Variants in SDK1 observed in about 807,000 individuals in gnomAD.
The protein encoded by SDK1 is protein sidekick-1.
A neutral mutation model predicts 245.5 loss-of-function variants in SDK1; 157 were observed. The observed-to-expected ratio is 0.64, with a 90% confidence interval of 0.56 to 0.73. SDK1 has a LOEUF of 0.73. Ranked by LOEUF, SDK1 falls within the 30% of genes least tolerant of loss-of-function variation. The pLI is 0.00. For synonymous variants in SDK1, 1,647 were observed against 1,278.5 expected, an observed-to-expected ratio of 1.29 and a Z score of -6.15; for missense variants, 3,583 against 3,002.3, an observed-to-expected ratio of 1.19 and a Z score of -4.52.
At chr7:3,348,500 A>G (rs1780567283) in intron 1 of SDK1, among the ~76,000 whole-genome samples, 1 of 151,894 alleles carries the variant, frequency 6.6e-6, no homozygotes, top group Non-Finnish European at 1.5e-5. Context: ...CTAAACATCG[A>G]GTGCATATGG....
chr7:3,362,798 CT>C (rs1331239690), intron 1 of SDK1, among the ~76,000 whole-genome samples: 1 of 152,036 alleles, frequency 6.6e-6, no homozygotes, highest in Non-Finnish European at 1.5e-5. Flanking sequence ...ATTATTTATA[CT>C]TTTATAGTTT....
chr7:4,262,473 A>C (rs1337164479), intron 44 of SDK1, among the ~76,000 whole-genome samples: 2 of 151,840 alleles, frequency 1.3e-5, no homozygotes, highest in African/African-American at 2.4e-5. Context: ...AGGAAAAAAA[A>C]AAGCCTCAAA....
At chr7:3,662,777 A>T (rs1440330193) in intron 4 of SDK1, among the ~76,000 whole-genome samples, 1 of 152,204 alleles carries the variant, frequency 6.6e-6, no homozygotes, top group Non-Finnish European at 1.5e-5. Context: ...AATGCTTCAA[A>T]ATCTAAAGCT....
chr7:3,615,466 C>T (rs936840226), intron 1 of SDK1, among the ~76,000 whole-genome samples: 2 of 151,754 alleles, frequency 1.3e-5, no homozygotes, highest in African/African-American at 4.8e-5. Context: ...TCGACAACTC[C>T]TGACTTTGAG....
At chr7:3,959,346 G>A (rs969957076) in intron 8 of SDK1, among the ~76,000 whole-genome samples, 3 of 152,148 alleles carry the variant, frequency 2.0e-5, no homozygotes, top group African/African-American at 4.8e-5. Context: ...GTGACCCCCC[G>A]AGATTCGGGG....
At chr7:3,512,675 C>G (rs1782621752) in intron 1 of SDK1, among the ~76,000 whole-genome samples, 1 of 152,180 alleles carries the variant, frequency 6.6e-6, no homozygotes, top group African/African-American at 2.4e-5. Flanking sequence ...GATGAAGTAT[C>G]TATTAAGGTC....
At chr7:3,764,528 A>C (rs1780196910) in intron 4 of SDK1, among the ~76,000 whole-genome samples, 1 of 152,116 alleles carries the variant, frequency 6.6e-6, no homozygotes, top group Non-Finnish European at 1.5e-5. Flanking sequence ...TCTACTAATA[A>C]TACAAAAATT....
chr7:3,866,959 G>T (rs1780837223), intron 5 of SDK1, among the ~76,000 whole-genome samples: 1 of 152,140 alleles, frequency 6.6e-6, no homozygotes, highest in African/African-American at 2.4e-5. Context: ...CCTTAGGCTG[G>T]TGAAATGCAC....
intron 14 of SDK1, among the ~76,000 whole-genome samples, chr7:4,008,495 C>G (rs142851883): frequency 6.6e-6 from 1 of 152,026 alleles, no homozygotes; most frequent in Non-Finnish European, 1.5e-5. Flanking sequence ...CCCCATTGGC[C>G]GGGGTCGGGT....
chr7:3,811,166 T>A (rs1779373948), intron 4 of SDK1, among the ~76,000 whole-genome samples: 1 of 152,186 alleles, frequency 6.6e-6, no homozygotes, highest in African/African-American at 2.4e-5. Context: ...ACTACCGATT[T>A]GCACTTCATC....
chr7:4,213,581 C>G (rs1257645004), intron 38 of SDK1, among the ~76,000 whole-genome samples: 1 of 148,308 alleles, frequency 6.7e-6, no homozygotes, highest in Non-Finnish European at 1.5e-5. Context: ...GAGATTCTGT[C>G]TCAAAAAAAA....
intron 4 of SDK1, among the ~76,000 whole-genome samples, chr7:3,819,464 A>G (rs1779590952): frequency 6.6e-6 from 1 of 150,784 alleles, no homozygotes; most frequent in African/African-American, 2.4e-5. Flanking sequence ...TTACTATGGT[A>G]AAAATCAGAT....
intron 19 of SDK1, among the ~76,000 whole-genome samples, chr7:4,064,650 G>A (rs1042878708): frequency 6.6e-6 from 1 of 152,094 alleles, no homozygotes; most frequent in Admixed American, 6.6e-5. Flanking sequence ...GCCAAGATAC[G>A]GAATCAACCC....
At chr7:4,238,323 G>C (rs1394203493) in intron 42 of SDK1, among the ~76,000 whole-genome samples, 1 of 151,842 alleles carries the variant, frequency 6.6e-6, no homozygotes, top group Admixed American at 6.6e-5. Flanking sequence ...CAGGTGATCT[G>C]CCCGCCTCAG....
At chr7:4,022,751 T>C (rs1158820276) in intron 17 of SDK1, among the ~76,000 whole-genome samples, 1 of 151,486 alleles carries the variant, frequency 6.6e-6, no homozygotes, top group Non-Finnish European at 1.5e-5. Context: ...GCCACACTCC[T>C]CGTTTTTCTT....
chr7:3,586,524 T>C (rs1479224803), intron 1 of SDK1, among the ~76,000 whole-genome samples: 2 of 149,978 alleles, frequency 1.3e-5, no homozygotes, highest in African/African-American at 4.9e-5. Context: ...CGTGAAACCC[T>C]GTCTCTACAA....
chr7:3,930,134 A>T lies in SDK1; in HGVS notation c.848-20789A>T, dbSNP rs17134058. ...GCAGCTCGTTAACATTTAGGTCCTGATTCGATGGGTCTGGAGTGACACCCA... is the reference window on the plus strand; with the variant it reads ...GCAGCTCGTTAACATTTAGGTCCTGTTTCGATGGGTCTGGAGTGACACCCA... On this transcript the variant is annotated intron_variant, in intron 5 of 44. Coordinates refer to ENST00000404826, the MANE Select transcript of SDK1 (RefSeq NM_152744.4). Among the ~76,000 whole-genome samples, 387 of 152,234 alleles carry T rather than the reference A, an allele frequency of 2.5e-3. 3 individuals carry two copies. The highest frequency in any genetic ancestry group is 8.9e-3 in the African/African-American group (370 of 41,534).
At chr7:3,825,688 G>A (rs886980453) in intron 5 of SDK1, among the ~76,000 whole-genome samples, 1 of 152,158 alleles carries the variant, frequency 6.6e-6, no homozygotes, top group Non-Finnish European at 1.5e-5. Context: ...GACTCACGTA[G>A]GGTTAGTAGT....
At chr7:3,360,900 T>A (rs1220643951) in intron 1 of SDK1, among the ~76,000 whole-genome samples, 1 of 152,074 alleles carries the variant, frequency 6.6e-6, no homozygotes. Flanking sequence ...TCATGATGCA[T>A]TTGACATCAT....
Sources: gnomAD v4.1 joint callset for allele counts (sites outside exome capture counted in the v4.1 genomes callset) on GRCh38, gnomAD v4.1.1 for gene constraint, MANE v1.5 for transcripts, NCBI Gene and HGNC (gene_info 2026-07-23, HGNC 2026-07-21) for gene names.